Variants in MYO3A observed in about 807,000 individuals in gnomAD.
The protein encoded by MYO3A is myosin-IIIa.
A neutral mutation model predicts 192.7 loss-of-function variants in MYO3A; 180 were observed. The observed-to-expected ratio is 0.93, with a 90% confidence interval of 0.83 to 1.06. The LOEUF (loss-of-function observed/expected upper bound fraction) is 1.06, where lower values mean the gene tolerates loss of function less well. Ranked by LOEUF, MYO3A falls within the 50% of genes least tolerant of loss-of-function variation. MYO3A has a pLI of 0.00. For synonymous variants in MYO3A, 628 were observed against 645.3 expected (o/e 0.97, Z 0.41); for missense variants, 1,896 against 1,905.0 (o/e 1.00, Z 0.09).
chr10:26,207,396 A>T (rs1302493825), intron 34 of MYO3A, among the ~76,000 whole-genome samples: 1 of 152,046 alleles, frequency 6.6e-6, no homozygotes, highest in Non-Finnish European at 1.5e-5. Flanking sequence ...TTGCAGTTTC[A>T]TGTCTAATGT....
At chr10:26,009,167 A>T (rs1841449640) in intron 6 of MYO3A, among the ~76,000 whole-genome samples, 1 of 150,890 alleles carries the variant, frequency 6.6e-6, no homozygotes, top group Non-Finnish European at 1.5e-5. Flanking sequence ...CATAGGTGGG[A>T]ATTGAACAGT....
chr10:26,075,276 AT>A (rs1035406109), intron 14 of MYO3A, among the ~76,000 whole-genome samples: 6 of 150,388 alleles, frequency 4.0e-5, no homozygotes, highest in African/African-American at 1.5e-4. Context: ...ATTTTTATTT[AT>A]TTTTTTTAAT....
chr10:26,113,977 T>C (rs1588978718), intron 17 of MYO3A, among the ~76,000 whole-genome samples: 1 of 152,208 alleles, frequency 6.6e-6, no homozygotes, highest in African/African-American at 2.4e-5. Flanking sequence ...AACATATTAA[T>C]ATCTCACATA....
intron 17 of MYO3A, among the ~76,000 whole-genome samples, chr10:26,098,101 T>C (rs934968889): frequency 1.3e-5 from 2 of 152,188 alleles, no homozygotes; most frequent in African/African-American, 4.8e-5. Flanking sequence ...TTTTTAATGA[T>C]CACCATTCTA....
chr10:26,084,178 T>TCAAC (rs1483112992), intron 14 of MYO3A, among the ~76,000 whole-genome samples: 2 of 152,252 alleles, frequency 1.3e-5, no homozygotes, highest in African/African-American at 4.8e-5. Flanking sequence ...CAGATACTTT[T>TCAAC]TCTGCATCAG....
chr10:26,148,241 T>C (rs1054771537), intron 23 of MYO3A, among the ~76,000 whole-genome samples: 8 of 152,214 alleles, frequency 5.3e-5, no homozygotes, highest in African/African-American at 1.9e-4. Flanking sequence ...CTCTCTGTTC[T>C]ATCACCATTT....
chr10:26,164,244 T>G lies in MYO3A; in HGVS notation c.3000-1823T>G, dbSNP rs544211195. Reference sequence around the variant, plus strand: ...CAGAATCATTACAGATGAGCGAGGCTTAAGGTGTTTGCTTTGTAACAACAC... The same window carrying G: ...CAGAATCATTACAGATGAGCGAGGCGTAAGGTGTTTGCTTTGTAACAACAC... On this transcript the variant is annotated intron_variant, in intron 26 of 34. Transcript: ENST00000642920. Among the ~76,000 whole-genome samples, 160 of 152,300 alleles carry G rather than the reference T, an allele frequency of 1.1e-3. 2 individuals carry two copies. The highest frequency in any genetic ancestry group is 6.0e-3 in the South Asian group (29 of 4,832).
At chr10:26,037,852 A>G (rs765008677) in intron 10 of MYO3A, among the ~76,000 whole-genome samples, 9 of 152,128 alleles carry the variant, frequency 5.9e-5, no homozygotes, top group Non-Finnish European at 8.8e-5. Flanking sequence ...CTTTCAAACA[A>G]CCAGATCTCA....
intron 10 of MYO3A, among the ~76,000 whole-genome samples, chr10:26,055,242 C>T (rs1389762405): frequency 6.6e-6 from 1 of 152,148 alleles, no homozygotes; most frequent in Non-Finnish European, 1.5e-5. Flanking sequence ...TCAGTGCCCA[C>T]ACCTTCATAA....
chr10:26,034,842 TTGA>T (rs1842953466), intron 10 of MYO3A, among the ~76,000 whole-genome samples: 1 of 151,572 alleles, frequency 6.6e-6, no homozygotes, highest in Admixed American at 6.6e-5. Flanking sequence ...ATTTAATATA[TTGA>T]TATATATTTA....
At chr10:25,973,366 T>C (rs1428533378) in intron 4 of MYO3A, among the ~76,000 whole-genome samples, 2 of 152,168 alleles carry the variant, frequency 1.3e-5, no homozygotes, top group Non-Finnish European at 2.9e-5. Context: ...ATTTATCAGC[T>C]TAAGGAGTTT....
chr10:26,072,554 T>C (rs760021120), intron 14 of MYO3A, among the ~76,000 whole-genome samples: 2 of 152,174 alleles, frequency 1.3e-5, no homozygotes, highest in Non-Finnish European at 2.9e-5. Context: ...GTCTGCATCT[T>C]ATTGTCTGGA....
intron 15 of MYO3A, among the ~76,000 whole-genome samples, chr10:26,089,289 T>A (rs1302985101): frequency 6.6e-6 from 1 of 152,078 alleles, no homozygotes; most frequent in Non-Finnish European, 1.5e-5. Flanking sequence ...GGAAAATTAC[T>A]CTTTGGTCTT....
intron 10 of MYO3A, among the ~76,000 whole-genome samples, chr10:26,064,516 T>C (rs1324638653): frequency 6.6e-6 from 1 of 151,872 alleles, no homozygotes; most frequent in Non-Finnish European, 1.5e-5. Context: ...AATGGTAAGA[T>C]CAGGAACTTT....
At chr10:26,059,721 C>T (rs1834339244) in intron 10 of MYO3A, among the ~76,000 whole-genome samples, 1 of 152,232 alleles carries the variant, frequency 6.6e-6, no homozygotes, top group Admixed American at 6.5e-5. Context: ...TCACATCTCC[C>T]ACTAGTTTGA....
At chr10:26,060,986 G>T (rs1462133553) in intron 10 of MYO3A, among the ~76,000 whole-genome samples, 1 of 151,620 alleles carries the variant, frequency 6.6e-6, no homozygotes, top group Non-Finnish European at 1.5e-5. Flanking sequence ...TGGAGTGCAG[G>T]GGTGCAATCT....
At chr10:26,147,202 A>G (rs913637297) in intron 22 of MYO3A, among the ~76,000 whole-genome samples, 3 of 152,206 alleles carry the variant, frequency 2.0e-5, no homozygotes, top group Non-Finnish European at 4.4e-5. Context: ...CTCTTTGGTC[A>G]TTTCAACCCA....
chr10:26,068,684 TTC>T (rs1835006375), intron 11 of MYO3A, 82 bp from the exon 12 acceptor site: 1 of 881,590 alleles, frequency 1.1e-6, no homozygotes, highest in African/African-American at 1.7e-5. Flanking sequence ...ATTCCAGATG[TTC>T]TGTTTATTAT....
Position 26,139,357 on chromosome 10 carries a change from A to C in MYO3A, c.2263-4091A>C, listed in dbSNP as rs535274216. Among the ~76,000 whole-genome samples the C allele has an allele frequency of 4.7e-4, 71 of 151,784 alleles. 1 individual carries two copies. The highest frequency in any genetic ancestry group is 1.7e-3 in the African/African-American group (71 of 41,404). Reference sequence around the variant, plus strand: ...CTGGGTTCAAGTGATTTTCTTTCTCAGCCTCCCAAGTAGCTGGGATTACAG... The same window carrying C: ...CTGGGTTCAAGTGATTTTCTTTCTCCGCCTCCCAAGTAGCTGGGATTACAG... On this transcript the variant is annotated intron_variant, in intron 20 of 34. Coordinates refer to ENST00000642920, the MANE Select transcript of MYO3A (RefSeq NM_017433.5).
Sources: gnomAD v4.1 joint callset for allele counts (sites outside exome capture counted in the v4.1 genomes callset) on GRCh38, gnomAD v4.1.1 for gene constraint, MANE v1.5 for transcripts, NCBI Gene and HGNC (gene_info 2026-07-23, HGNC 2026-07-21) for gene names.